Variants in SMARCA2 observed in about 807,000 individuals in gnomAD.
The protein encoded by SMARCA2 is SWI/SNF related BAF chromatin remodeling complex subunit ATPase 2, also known as SWI/SNF-related matrix-associated actin-dependent regulator of chromatin subfamily A member 2.
Under a neutral mutation model 199.8 loss-of-function variants are expected in SMARCA2, and 61 were observed. The ratio of observed to expected loss-of-function variants is 0.31; its 90% CI spans 0.25 to 0.38. The LOEUF is 0.38. SMARCA2 is among the 10% of genes least tolerant of loss of function. The pLI is 1.00. For missense variants in SMARCA2, 1,344 were observed against 2,012.2 expected (o/e 0.67, Z 6.35); for synonymous variants, 935 against 732.0 (o/e 1.28, Z -4.48).
chr9:2,102,100 C>T (rs1271353860), intron 22 of SMARCA2, among the ~76,000 whole-genome samples: 1 of 151,576 alleles, frequency 6.6e-6, no homozygotes, highest in Non-Finnish European at 1.5e-5. Context: ...TCTTGACTTG[C>T]AACAACAAAA....
chr9:2,057,733 G>A (rs750691757), intron 7 of SMARCA2, among the ~76,000 whole-genome samples: 9 of 152,080 alleles, frequency 5.9e-5, no homozygotes, highest in Non-Finnish European at 1.0e-4. Context: ...TTGTTTTCCT[G>A]TGCTTAATTT....
chr9:2,135,915 C>T (rs1824174167), intron 27 of SMARCA2, among the ~76,000 whole-genome samples: 2 of 152,074 alleles, frequency 1.3e-5, no homozygotes, highest in Admixed American at 1.3e-4. Context: ...AATCTTGGCT[C>T]ATTGCTACCT....
chr9:2,186,238 G>C lies in SMARCA2; in HGVS notation c.4594+10G>C. 1 of 1,611,524 alleles carries C rather than the reference G, an allele frequency of 6.2e-7. No homozygotes were observed. Among genetic ancestry groups the C allele is most frequent in the South Asian group, 1.1e-5 (1 of 90,930 alleles). On this transcript the variant is annotated intron_variant, in intron 32 of 33. Coordinates refer to ENST00000349721, the MANE Select transcript of SMARCA2 (RefSeq NM_003070.5). ...GAGTCAGAGTCCGAGGGTAAGCCCAGACATTCGGGTCCTGTACATCTTTGC... is the reference window on the plus strand; with the variant it reads ...GAGTCAGAGTCCGAGGGTAAGCCCACACATTCGGGTCCTGTACATCTTTGC...
At chr9:2,061,053 A>AGTAC in intron 9 of SMARCA2, 67 bp downstream of exon 9, 1 of 1,451,568 alleles carries the variant, frequency 6.9e-7, no homozygotes, top group Non-Finnish European at 9.4e-7. Flanking sequence ...TAAGGCGAGT[A>AGTAC]TTGCTCTTTA....
chr9:2,181,762 C>G, intron 30 of SMARCA2, 86 bp downstream of exon 30: 1 of 764,028 alleles, frequency 1.3e-6, no homozygotes, highest in Non-Finnish European at 2.3e-6. Context: ...TGGAGCTGAC[C>G]GCCACTGATG....
intron 30 of SMARCA2, among the ~76,000 whole-genome samples, chr9:2,181,899 C>G (rs535650366): frequency 8.5e-5 from 13 of 152,284 alleles, no homozygotes; most frequent in Non-Finnish European, 1.5e-4. Context: ...CCCTGCTCCC[C>G]CTGCCCACAT....
chr9:2,153,742 C>G (rs941667987), intron 27 of SMARCA2, among the ~76,000 whole-genome samples: 10 of 152,160 alleles, frequency 6.6e-5, no homozygotes, highest in African/African-American at 2.4e-4. Context: ...ATCCCATTGA[C>G]TATTAAAATG....
intron 27 of SMARCA2, among the ~76,000 whole-genome samples, chr9:2,136,325 T>A (rs1824195550): frequency 6.6e-6 from 1 of 150,906 alleles, no homozygotes; most frequent in African/African-American, 2.4e-5. Flanking sequence ...GTAGCTGGGA[T>A]TACAGGCACG....
chr9:2,179,215 G>A (rs1420237889), intron 29 of SMARCA2, among the ~76,000 whole-genome samples: 1 of 152,192 alleles, frequency 6.6e-6, no homozygotes, highest in African/African-American at 2.4e-5. Flanking sequence ...TAGAAGAGAA[G>A]TGTGTTGGTG....
At chr9:2,060,118 C>CA (rs372329238) in intron 8 of SMARCA2, among the ~76,000 whole-genome samples, 5,363 of 61,986 alleles carry the variant, frequency 0.087, 762 homozygotes, top group East Asian at 0.2. Flanking sequence ...GATCTGTGGC[C>CA]AAAAAAAAAA....
At chr9:2,102,860 G>A (rs898556409) in intron 22 of SMARCA2, among the ~76,000 whole-genome samples, 1 of 151,850 alleles carries the variant, frequency 6.6e-6, no homozygotes, top group Non-Finnish European at 1.5e-5. Context: ...GTTCAGTATA[G>A]CTCATAGAGC....
At chr9:2,084,611 T>G (rs1360803739) in intron 17 of SMARCA2, among the ~76,000 whole-genome samples, 1 of 152,184 alleles carries the variant, frequency 6.6e-6, no homozygotes, top group Non-Finnish European at 1.5e-5. Context: ...GTGCCTTTGT[T>G]TCTCCAAAGA....
At chr9:2,159,286 T>G (rs943429860) in intron 27 of SMARCA2, 15 of 352,510 alleles carry the variant, frequency 4.3e-5, no homozygotes, top group African/African-American at 1.7e-4. Flanking sequence ...GAAAGTGAAG[T>G]GTTACAGTTG....
rs1823533247 is a variant in SMARCA2 at position 2,123,016 on chromosome 9, A to G, written c.3763-703A>G. On this transcript the variant is annotated intron_variant, in intron 26 of 33. Transcript: ENST00000349721. This position sits in a 1 kb window ranked among gnomAD's most constrained non-coding sequence, Gnocchi z 4.1. ...AGGAATCCATTTCACTTACAACTAGATCAGTTGGGATGCGATTACCTCTGA... is the reference window on the plus strand; with the variant it reads ...AGGAATCCATTTCACTTACAACTAGGTCAGTTGGGATGCGATTACCTCTGA... Among the ~76,000 whole-genome samples, 1 of 152,212 alleles carries G rather than the reference A, an allele frequency of 6.6e-6. No homozygotes were observed. The highest frequency in any genetic ancestry group is 2.4e-5 in the African/African-American group (1 of 41,434).
chr9:2,188,542 T>C (rs978650447), intron 32 of SMARCA2, among the ~76,000 whole-genome samples: 1 of 152,244 alleles, frequency 6.6e-6, no homozygotes, highest in African/African-American at 2.4e-5. Flanking sequence ...AGCTATATAT[T>C]TCATTATTTT....
At chr9:2,148,894 C>T (rs72689197) in intron 27 of SMARCA2, among the ~76,000 whole-genome samples, 2,121 of 151,604 alleles carry the variant, frequency 0.014, 84 homozygotes, top group Admixed American at 0.027. Context: ...TTCAGTTGAC[C>T]TGGTCTCCTG....
chr9:2,033,021 A>G lies in SMARCA2; in HGVS notation c.295A>G (p.Met99Val), dbSNP rs1026030682. Reference sequence around the variant, plus strand: ...TTGTGGATCCATGAAGGGCACTGGTATGCGACCACCTCACCCAGGCATGGG... The same window carrying G: ...TTGTGGATCCATGAAGGGCACTGGTGTGCGACCACCTCACCCAGGCATGGG... ...IHCGSMKGTG[M>V]RPPHPGMGPP... The change falls in exon 3 of 34, where the codon ATG becomes GTG. Residue 99 changes from methionine (M) to valine (V), a missense_variant. Transcript: ENST00000349721. 3 of 1,614,056 alleles carry G rather than the reference A, an allele frequency of 1.9e-6. No individual in the cohort carries two copies. Among genetic ancestry groups the G allele is most frequent in the African/African-American group, 1.3e-5 (1 of 74,958 alleles).
chr9:2,056,504 A>G lies in SMARCA2; in HGVS notation c.1174-168A>G, dbSNP rs543886347. 2.6e-4 allele frequency among the ~76,000 whole-genome samples: 39 copies of G among 152,310 alleles called. No individual in the cohort carries two copies. The highest frequency in any genetic ancestry group is 8.9e-4 in the African/African-American group (37 of 41,564). Reference sequence around the variant, plus strand: ...TACCGTTCTTGAAAATATTGCATACATTTGGCATGATTTTAGTTCCTTCAT... The same window carrying G: ...TACCGTTCTTGAAAATATTGCATACGTTTGGCATGATTTTAGTTCCTTCAT... On this transcript the variant is annotated intron_variant, in intron 6 of 33. Coordinates refer to ENST00000349721, the MANE Select transcript of SMARCA2 (RefSeq NM_003070.5). This position sits in a 1 kb window ranked among gnomAD's most constrained non-coding sequence, Gnocchi z 4.0.
Position 2,118,378 on chromosome 9 carries a change from C to T in SMARCA2, c.3685-1080C>T, listed in dbSNP as rs1490738786. On this transcript the variant is annotated intron_variant, in intron 25 of 33. Coordinates refer to ENST00000349721, the MANE Select transcript of SMARCA2 (RefSeq NM_003070.5). Reference sequence around the variant, plus strand: ...TATTGGATTGCATTCATTTCTAACACTTATTAAGTTCCTGCAGTGCGAAAG... The same window carrying T: ...TATTGGATTGCATTCATTTCTAACATTTATTAAGTTCCTGCAGTGCGAAAG... Among the ~76,000 whole-genome samples, 3 of 152,308 alleles carry T rather than the reference C, an allele frequency of 2.0e-5. No homozygotes were observed. The East Asian group carries it at 5.8e-4, about 29-fold the overall frequency.
Sources: allele counts gnomAD v4.1 joint callset (sites outside exome capture counted in the v4.1 genomes callset), GRCh38; gene constraint gnomAD v4.1.1; non-coding constraint Gnocchi (gnomAD v3.1); transcripts MANE v1.5; gene names NCBI Gene and HGNC (gene_info 2026-07-23, HGNC 2026-07-21).